The following ACOXL variants were observed in gnomAD, a reference collection of about 807,000 sequenced individuals.
ACOXL encodes acyl-CoA oxidase like.
In ACOXL, 70 loss-of-function variants were observed where a neutral mutation model predicts 71.9. That is an observed-to-expected ratio of 0.97 (90% CI 0.80 to 1.19). The LOEUF (loss-of-function observed/expected upper bound fraction) is 1.19. Among genes scored for constraint, ACOXL ranks in the 50% most tolerant of loss-of-function variants. The pLI is 0.00. For missense variants in ACOXL, 703 were observed against 736.3 expected, an observed-to-expected ratio of 0.95 and a Z score of 0.52; for synonymous variants, 253 against 281.6, an observed-to-expected ratio of 0.90 and a Z score of 1.02.
At position 110,805,244 on chromosome 2, in the gene ACOXL, C is replaced by T. The variant is rs771817264; in HGVS notation, c.621-19C>T. ...CTATGTCCTGCTTTTTTGTGAAACC[C>T]CACCTCTCTTTTCCACAGGTTTGGT... On this transcript the variant is annotated intron_variant, in intron 8 of 17. Transcript: ENST00000439055. 6.2e-7 allele frequency: 1 copy of T among 1,612,854 alleles called. No homozygotes were observed.
At chr2:111,022,762 G>A (rs1293178073) in intron 14 of ACOXL, among the ~76,000 whole-genome samples, 2 of 152,324 alleles carry the variant, frequency 1.3e-5, no homozygotes, top group East Asian at 3.9e-4. Flanking sequence ...TGCAGCAGAG[G>A]GAGGCGAGGG....
intron 2 of ACOXL, among the ~76,000 whole-genome samples, chr2:110,783,700 C>T (rs1174106179): frequency 6.6e-6 from 1 of 152,150 alleles, no homozygotes; most frequent in Non-Finnish European, 1.5e-5. Flanking sequence ...GACACATGTG[C>T]ACACAGGCAC....
chr2:110,808,574 T>C (rs1208408443), intron 9 of ACOXL, among the ~76,000 whole-genome samples: 1 of 152,130 alleles, frequency 6.6e-6, no homozygotes, highest in Admixed American at 6.5e-5. Flanking sequence ...CTGTACCCCC[T>C]CTCTCCACTG....
At chr2:110,793,989 C>A in intron 4 of ACOXL, 87 bp from the exon 5 acceptor site, 1 of 1,352,298 alleles carries the variant, frequency 7.4e-7, no homozygotes, top group Non-Finnish European at 1.1e-6. Context: ...GTCCCTCTCT[C>A]ACCACCATTC....
chr2:111,025,513 A>G (rs2064978540), intron 14 of ACOXL, among the ~76,000 whole-genome samples: 1 of 152,136 alleles, frequency 6.6e-6, no homozygotes, highest in South Asian at 2.1e-4. Flanking sequence ...CATTTTAGCC[A>G]TTTTAGTGGG....
Position 111,021,922 on chromosome 2 carries a change from C to A in ACOXL, c.1282-9705C>A, listed in dbSNP as rs77081316. ...AGGAATACAGAAAGGCAGAAAAACA[C>A]GGCAAAATTAAAAATATAGAAGAGT... On this transcript the variant is annotated intron_variant, in intron 14 of 17. Coordinates refer to ENST00000439055, the MANE Select transcript of ACOXL (RefSeq NM_001142807.4). Among the ~76,000 whole-genome samples the A allele has an allele frequency of 3.0e-3, 447 of 151,464 alleles. 1 individual carries two copies. The highest frequency in any genetic ancestry group is 0.01 in the African/African-American group (426 of 41,250).
chr2:110,804,110 CT>C (rs1686335598), intron 8 of ACOXL, among the ~76,000 whole-genome samples: 1 of 151,994 alleles, frequency 6.6e-6, no homozygotes, highest in African/African-American at 2.4e-5. Flanking sequence ...CCTCAACCTC[CT>C]GAGTACCTGG....
chr2:110,846,308 A>G (rs535874092), intron 10 of ACOXL, among the ~76,000 whole-genome samples: 79 of 152,228 alleles, frequency 5.2e-4, no homozygotes, highest in African/African-American at 1.7e-3. Flanking sequence ...CAAAATGACA[A>G]TACTGGGAGG....
intron 17 of ACOXL, among the ~76,000 whole-genome samples, chr2:111,117,232 G>A (rs757855198): frequency 6.6e-6 from 1 of 152,208 alleles, no homozygotes; most frequent in Admixed American, 6.5e-5. Flanking sequence ...GAGAGGAGGG[G>A]ACGACAGGGG....
At chr2:110,944,538 C>T (rs1263251348) in intron 12 of ACOXL, among the ~76,000 whole-genome samples, 1 of 152,074 alleles carries the variant, frequency 6.6e-6, no homozygotes, top group Non-Finnish European at 1.5e-5. Context: ...CTGTTGTTCC[C>T]TTCTTTGTGT....
rs1293272947 is a variant in ACOXL at position 111,056,230 on chromosome 2, A to G, written c.1440+6942A>G. ...AAAAAAAAAAGTTGGGAGAAGAACT[A>G]CTGGTGACATAGAAATCAGGTTTCA... is the stretch of plus-strand genomic sequence containing the variant. On this transcript the variant is annotated intron_variant, in intron 16 of 17. Coordinates refer to ENST00000439055, the MANE Select transcript of ACOXL (RefSeq NM_001142807.4). Among the ~76,000 whole-genome samples, 4 of 150,974 alleles carry G rather than the reference A, an allele frequency of 2.6e-5. 1 individual carries two copies. The East Asian group carries it at 7.8e-4, about 30-fold the overall frequency.
chr2:111,041,208 C>T (rs938279788), intron 15 of ACOXL, among the ~76,000 whole-genome samples: 1 of 152,084 alleles, frequency 6.6e-6, no homozygotes, highest in Non-Finnish European at 1.5e-5. Context: ...GAGACAGGCG[C>T]GTGGCAGAGA....
rs1369901220 is a variant in ACOXL, at chr2:110,732,623, C to A, written c.-174C>A. 1 of 153,012 alleles carries A rather than the reference C, an allele frequency of 6.5e-6. No individual in the cohort carries two copies. The highest frequency in any genetic ancestry group is 1.5e-5 in the Non-Finnish European group (1 of 68,508). The allele number at this position is 153,012 out of a possible 1,614,324, so 9.5% of individuals were successfully genotyped here. On this transcript the variant is annotated 5_prime_UTR_variant, in exon 1 of 18. Transcript: ENST00000439055. ...GGAGCGAAGCCGGCCCTGCCAGCCA[C>A]GCGGAGAAGCAGAGGCAGGTGAGCG...
intron 10 of ACOXL, among the ~76,000 whole-genome samples, chr2:110,873,170 T>C (rs1695475853): frequency 6.6e-6 from 1 of 152,216 alleles, no homozygotes; most frequent in African/African-American, 2.4e-5. Context: ...AACTGTGTTG[T>C]GCACACCATG....
chr2:110,767,693 G>T (rs1370770607), intron 1 of ACOXL, among the ~76,000 whole-genome samples: 3 of 152,120 alleles, frequency 2.0e-5, no homozygotes, highest in Non-Finnish European at 4.4e-5. Context: ...CTTGCAACAC[G>T]CATGTCACTC....
At chr2:110,861,525 T>G (rs925187393) in intron 10 of ACOXL, among the ~76,000 whole-genome samples, 14 of 152,186 alleles carry the variant, frequency 9.2e-5, no homozygotes, top group African/African-American at 3.4e-4. Context: ...TCCCCTCACA[T>G]AGGTTCTGCT....
At position 110,942,860 on chromosome 2, in the gene ACOXL, G is replaced by C. The variant is rs571866951; in HGVS notation, c.1059+9218G>C. On this transcript the variant is annotated intron_variant, in intron 12 of 17. Coordinates refer to ENST00000439055, the MANE Select transcript of ACOXL (RefSeq NM_001142807.4). Reference sequence around the variant, plus strand: ...GATCATGCCACTGGACTCCAGCCTGGGTGACAGAGTGTGACCCTGAAAAAA... The same window carrying C: ...GATCATGCCACTGGACTCCAGCCTGCGTGACAGAGTGTGACCCTGAAAAAA... Among the ~76,000 whole-genome samples, 143 of 150,968 alleles carry C rather than the reference G, an allele frequency of 9.5e-4. 1 individual carries two copies. Among genetic ancestry groups the C allele is most frequent in the African/African-American group, 3.3e-3 (136 of 41,012 alleles).
At chr2:110,935,233 G>A (rs2060618680) in intron 12 of ACOXL, among the ~76,000 whole-genome samples, 1 of 152,092 alleles carries the variant, frequency 6.6e-6, no homozygotes, top group Non-Finnish European at 1.5e-5. Flanking sequence ...GAGGGCTTGC[G>A]CAGAACCTCT....
intron 12 of ACOXL, among the ~76,000 whole-genome samples, chr2:110,953,975 A>G (rs1432988617): frequency 6.6e-6 from 1 of 152,232 alleles, no homozygotes; most frequent in Non-Finnish European, 1.5e-5. Context: ...ATGAGATTTG[A>G]GTGGGGACAC....
Sources: gnomAD v4.1 joint callset for allele counts (sites outside exome capture counted in the v4.1 genomes callset) on GRCh38, gnomAD v4.1.1 for gene constraint, MANE v1.5 for transcripts, NCBI Gene and HGNC (gene_info 2026-07-23, HGNC 2026-07-21) for gene names.